Variants in PTPRG observed in about 807,000 individuals in gnomAD.
The protein encoded by PTPRG is protein tyrosine phosphatase receptor type G.
A neutral mutation model predicts 165.3 loss-of-function variants in PTPRG; 102 were observed. The observed-to-expected ratio is 0.62, with a 90% CI of 0.53 to 0.73. PTPRG has a LOEUF of 0.73. Ranked by LOEUF, PTPRG falls within the 30% of genes least tolerant of loss-of-function variation. The pLI, the probability that PTPRG is intolerant of heterozygous loss-of-function variation, is 0.00. For missense variants in PTPRG, 1,866 were observed against 1,861.4 expected (o/e 1.00, Z -0.05); for synonymous variants, 675 against 669.5 (o/e 1.01, Z -0.13).
chr3:61,665,557 G>A (rs570172378), intron 1 of PTPRG, among the ~76,000 whole-genome samples: 1 of 151,900 alleles, frequency 6.6e-6, no homozygotes, highest in South Asian at 2.1e-4. Context: ...TGGTAAAAGG[G>A]TTCATGCTTG....
chr3:61,795,724 C>G (rs954815217), intron 2 of PTPRG, among the ~76,000 whole-genome samples: 7 of 150,206 alleles, frequency 4.7e-5, no homozygotes, highest in African/African-American at 1.5e-4. Flanking sequence ...AATATAGATG[C>G]CTGGTTGGCA....
intron 4 of PTPRG, among the ~76,000 whole-genome samples, chr3:62,020,228 C>A (rs563263338): frequency 1.3e-4 from 20 of 152,142 alleles, no homozygotes; most frequent in Non-Finnish European, 2.9e-4. Flanking sequence ...TTTCTAATAT[C>A]TCTCAGTTCT....
intron 1 of PTPRG, among the ~76,000 whole-genome samples, chr3:61,687,221 T>G (rs371148318): frequency 6.6e-6 from 1 of 152,250 alleles, no homozygotes; most frequent in African/African-American, 2.4e-5. Context: ...CTTAAACATC[T>G]TATTATCTGG....
At chr3:62,209,981 G>A (rs763644363) in intron 12 of PTPRG, among the ~76,000 whole-genome samples, 1 of 152,218 alleles carries the variant, frequency 6.6e-6, no homozygotes, top group Non-Finnish European at 1.5e-5. Context: ...CCAACTGTCA[G>A]TGGTGGCCGT....
intron 1 of PTPRG, among the ~76,000 whole-genome samples, chr3:61,629,220 T>C (rs1701698626): frequency 6.6e-6 from 1 of 152,142 alleles, no homozygotes; most frequent in Non-Finnish European, 1.5e-5. Context: ...AATGGCGCAA[T>C]TTCAGCTCAC....
intron 5 of PTPRG, among the ~76,000 whole-genome samples, chr3:62,126,255 A>G (rs114441624): frequency 0.015 from 2,332 of 152,296 alleles, 59 homozygotes; most frequent in African/African-American, 0.052. Flanking sequence ...CAGGGGCAGG[A>G]GGCCAGAGAA....
chr3:61,668,205 T>A (rs1412951035), intron 1 of PTPRG, among the ~76,000 whole-genome samples: 1 of 152,248 alleles, frequency 6.6e-6, no homozygotes, highest in Non-Finnish European at 1.5e-5. Flanking sequence ...TAATTCCATA[T>A]ACTTTCAAAT....
At chr3:61,738,895 C>G (rs574631843) in intron 1 of PTPRG, among the ~76,000 whole-genome samples, 82 of 151,690 alleles carry the variant, frequency 5.4e-4, no homozygotes, top group Non-Finnish European at 1.1e-3. Flanking sequence ...CCGTCTCAGC[C>G]TCCTGAATAG....
intron 2 of PTPRG, among the ~76,000 whole-genome samples, chr3:61,902,237 T>C (rs1428719390): frequency 6.6e-6 from 1 of 152,136 alleles, no homozygotes; most frequent in East Asian, 1.9e-4. Context: ...AATGTTAGGG[T>C]GGCCTAAGGT....
At chr3:61,617,864 A>G (rs1192617590) in intron 1 of PTPRG, among the ~76,000 whole-genome samples, 2 of 152,200 alleles carry the variant, frequency 1.3e-5, no homozygotes, top group Non-Finnish European at 2.9e-5. Context: ...AATGACATTG[A>G]CTGACAGTAA....
rs114408193 is a variant in PTPRG, at chr3:61,972,067, C to G, written c.191-17558C>G. On this transcript the variant is annotated intron_variant, in intron 2 of 29. Coordinates refer to ENST00000474889, the MANE Select transcript of PTPRG (RefSeq NM_002841.4). ...TGTACTGTATATTAGAAGGTGTGCG[C>G]TACAAAGCAAAAAATAAAAAGAGGA... Among the ~76,000 whole-genome samples the G allele has an allele frequency of 4.2e-3, 636 of 152,226 alleles. 7 individuals carry two copies. Among genetic ancestry groups the G allele is most frequent in the African/African-American group, 0.014 (574 of 41,542 alleles).
intron 1 of PTPRG, among the ~76,000 whole-genome samples, chr3:61,721,741 C>T (rs2032055350): frequency 6.6e-6 from 1 of 152,068 alleles, no homozygotes; most frequent in African/African-American, 2.4e-5. Flanking sequence ...ATCCATGTGT[C>T]ACCTGGGATG....
At chr3:61,777,023 T>C (rs1050546115) in intron 2 of PTPRG, among the ~76,000 whole-genome samples, 2 of 152,172 alleles carry the variant, frequency 1.3e-5, no homozygotes, top group African/African-American at 4.8e-5. Context: ...CCTCTTTGAA[T>C]CTTTCCTGGG....
At chr3:61,685,313 T>C (rs1028170047) in intron 1 of PTPRG, among the ~76,000 whole-genome samples, 1 of 152,138 alleles carries the variant, frequency 6.6e-6, no homozygotes, top group Non-Finnish European at 1.5e-5. Flanking sequence ...TTAGTTTGGT[T>C]AGAAAGGAAG....
Position 62,016,494 on chromosome 3 carries a change from GTCT to G in PTPRG, c.519+13002_519+13004del, listed in dbSNP as rs1480288358. On this transcript the variant is annotated intron_variant, in intron 4 of 29. Coordinates refer to ENST00000474889, the MANE Select transcript of PTPRG (RefSeq NM_002841.4). ...ATTAACTATTAATATGAACTCAGTA[GTCT>G]TCTTGTCACATGAAGCAACAGATCC... is the stretch of plus-strand genomic sequence containing the variant. Among the ~76,000 whole-genome samples, 20 of 152,116 alleles carry G rather than the reference GTCT, an allele frequency of 1.3e-4. 1 individual carries two copies. Among genetic ancestry groups the G allele is most frequent in the Non-Finnish European group, 2.4e-4 (16 of 68,020 alleles).
intron 2 of PTPRG, among the ~76,000 whole-genome samples, chr3:61,796,401 C>T (rs918721845): frequency 2.0e-5 from 3 of 152,188 alleles, no homozygotes; most frequent in Non-Finnish European, 4.4e-5. Flanking sequence ...TAAATAACGG[C>T]TGTGACTCCT....
intron 6 of PTPRG, among the ~76,000 whole-genome samples, chr3:62,149,809 C>A (rs1704259962): frequency 6.6e-6 from 1 of 152,226 alleles, no homozygotes; most frequent in Non-Finnish European, 1.5e-5. Flanking sequence ...TGTGTCACCT[C>A]TTCATAATTC....
chr3:62,058,254 A>G (rs745973567), intron 4 of PTPRG, among the ~76,000 whole-genome samples: 2 of 152,114 alleles, frequency 1.3e-5, no homozygotes, highest in African/African-American at 4.8e-5. Flanking sequence ...CACCTTAATA[A>G]TCTTATAAGG....
At chr3:61,619,876 A>C (rs1701400843) in intron 1 of PTPRG, among the ~76,000 whole-genome samples, 1 of 152,102 alleles carries the variant, frequency 6.6e-6, no homozygotes, top group African/African-American at 2.4e-5. Context: ...TTTTTGGGTA[A>C]ACATCACCTC....
Sources: gnomAD v4.1 joint callset for allele counts (sites outside exome capture counted in the v4.1 genomes callset) on GRCh38, gnomAD v4.1.1 for gene constraint, MANE v1.5 for transcripts, NCBI Gene and HGNC (gene_info 2026-07-23, HGNC 2026-07-21) for gene names.